Variants in AP2A2 observed in about 807,000 individuals in gnomAD.
AP2A2 encodes AP-2 complex subunit alpha-2.
A neutral mutation model predicts 104.2 loss-of-function variants in AP2A2; 32 were observed. That is an observed-to-expected ratio of 0.31 (90% confidence interval 0.23 to 0.41). The LOEUF (loss-of-function observed/expected upper bound fraction) is 0.41. Ranked by LOEUF, AP2A2 falls within the 10% of genes least tolerant of loss-of-function variation. The pLI is 1.00. For missense variants in AP2A2, 912 were observed against 1,261.0 expected, an observed-to-expected ratio of 0.72 and a Z score of 4.19; for synonymous variants, 539 against 533.3, an observed-to-expected ratio of 1.01 and a Z score of -0.15.
chr11:955,871 C>T (rs1854217309), intron 1 of AP2A2, among the ~76,000 whole-genome samples: 1 of 151,928 alleles, frequency 6.6e-6, no homozygotes, highest in Non-Finnish European at 1.5e-5. Context: ...CTGCGTAGGG[C>T]AGGGGTGAGC....
At chr11:928,914 C>G (rs1418213664) in intron 1 of AP2A2, among the ~76,000 whole-genome samples, 4 of 152,162 alleles carry the variant, frequency 2.6e-5, no homozygotes, top group African/African-American at 9.7e-5. Flanking sequence ...CCATCTCCCC[C>G]ACTGCCCTCT....
intron 2 of AP2A2, among the ~76,000 whole-genome samples, chr11:963,143 C>G (rs1267269639): frequency 6.6e-6 from 1 of 151,574 alleles, no homozygotes; most frequent in South Asian, 2.1e-4. Context: ...GAAAAAAAAA[C>G]TGGCTGGCAC....
chr11:976,950 C>T (rs766314227), intron 4 of AP2A2, 145 bp from the exon 5 acceptor site: 20 of 1,009,182 alleles, frequency 2.0e-5, no homozygotes, highest in African/African-American at 3.2e-5. Flanking sequence ...GCCCCCTAGG[C>T]GGCCTCGGCA....
At position 965,928 on chromosome 11, in the gene AP2A2, C is replaced by T. The variant is rs879614312; in HGVS notation, c.137-4241C>T. On this transcript the variant is annotated intron_variant, in intron 2 of 21. Transcript: ENST00000448903. ...TGATCCTAACTCACTGCAGCCTTGA[C>T]TTCCTGGGCTCAGGTCATCCTCCTG... Among the ~76,000 whole-genome samples, 18 of 152,218 alleles carry T rather than the reference C, an allele frequency of 1.2e-4. 1 individual carries two copies. The highest frequency in any genetic ancestry group is 2.4e-4 in the Non-Finnish European group (16 of 68,046).
intron 2 of AP2A2, among the ~76,000 whole-genome samples, chr11:966,796 T>A (rs1253373649): frequency 2.0e-5 from 3 of 152,160 alleles, no homozygotes; most frequent in Non-Finnish European, 4.4e-5. Flanking sequence ...TTCCCAACTT[T>A]CAGGTCAAGA....
intron 1 of AP2A2, among the ~76,000 whole-genome samples, chr11:945,961 C>G (rs1008782723): frequency 2.6e-5 from 4 of 152,148 alleles, no homozygotes; most frequent in Admixed American, 1.3e-4. Context: ...GTTTAGAAAA[C>G]AGAATCAACA....
At chr11:944,302 G>A (rs1044646972) in intron 1 of AP2A2, among the ~76,000 whole-genome samples, 2 of 152,196 alleles carry the variant, frequency 1.3e-5, no homozygotes, top group Non-Finnish European at 2.9e-5. Flanking sequence ...ACTCAGAGAT[G>A]TGGTGCTATT....
Position 1,009,364 on chromosome 11 carries a change from G to A in AP2A2, c.2574G>A (p.Lys858=). 1 of 1,613,666 alleles carries A rather than the reference G, an allele frequency of 6.2e-7. No individual in the cohort carries two copies. Among genetic ancestry groups the A allele is most frequent in the Non-Finnish European group, 8.5e-7 (1 of 1,179,836 alleles). ...QQEVQNIFKA[K]HPMDTEVTKA... The stretch of plus-strand genomic sequence containing the variant: ...AAGTGCAGAACATCTTCAAAGCAAA[G>A]CACCCAATGGACACAGAAGTCACCA... The change falls in exon 20 of 22, where the codon AAG becomes AAA. Residue 858 remains lysine, a synonymous_variant. Transcript: ENST00000448903.
chr11:956,343 A>G (rs1854234198), intron 1 of AP2A2, among the ~76,000 whole-genome samples: 1 of 152,098 alleles, frequency 6.6e-6, no homozygotes, highest in Admixed American at 6.6e-5. Context: ...TTGTATTTTT[A>G]GTAGAGACGG....
At chr11:1,008,791 T>C in intron 18 of AP2A2, 1 of 431,538 alleles carries the variant, frequency 2.3e-6, no homozygotes, top group Non-Finnish European at 4.1e-6. Context: ...TGCAAATGCC[T>C]TTGCCTTTTT....
chr11:972,433 G>T lies in AP2A2; in HGVS notation c.473+178G>T, dbSNP rs11246365. 1.5e-4 allele frequency among the ~76,000 whole-genome samples: 23 copies of T among 152,368 alleles called. No homozygotes were observed. In the East Asian group the frequency reaches 1.5e-3, roughly 10 times the overall value. On this transcript the variant is annotated intron_variant, in intron 4 of 21. Transcript: ENST00000448903. The stretch of plus-strand genomic sequence containing the variant: ...GTTTAGGCCGGGCACGGTGGCTCAC[G>T]CCTCTAATCCCAGGACCGTAGGAGG...
chr11:1,002,996 G>A (rs556768040), intron 15 of AP2A2, among the ~76,000 whole-genome samples: 3 of 152,344 alleles, frequency 2.0e-5, no homozygotes, highest in Non-Finnish European at 2.9e-5. Context: ...CCACTGCCCC[G>A]CCTCCCTCTC....
chr11:997,836 C>T lies in AP2A2; in HGVS notation c.1957-2596C>T, dbSNP rs191407263. Among the ~76,000 whole-genome samples the T allele has an allele frequency of 7.9e-3, 1,199 of 152,212 alleles. 17 individuals are homozygous for T. The highest frequency in any genetic ancestry group is 0.026 in the African/African-American group (1,088 of 41,514). On this transcript the variant is annotated intron_variant, in intron 14 of 21. Coordinates refer to ENST00000448903, the MANE Select transcript of AP2A2 (RefSeq NM_012305.4). Reference sequence around the variant, plus strand: ...AGGAGAATTGCTTGAACCCAGAAGGCGGAGGTTGCAGTGAGCTGAGATTGC... The same window carrying T: ...AGGAGAATTGCTTGAACCCAGAAGGTGGAGGTTGCAGTGAGCTGAGATTGC...
At chr11:936,206 CTTTTTTTTTTTTT>C (rs982315120) in intron 1 of AP2A2, among the ~76,000 whole-genome samples, 1 of 110,050 alleles carries the variant, frequency 9.1e-6, no homozygotes, top group African/African-American at 3.5e-5. Flanking sequence ...TGCGCCTGGC[CTTTTTTTTTTTTT>C]TTTTTTTTTT....
At chr11:978,135 G>A (rs1003874164) in intron 5 of AP2A2, among the ~76,000 whole-genome samples, 1 of 152,160 alleles carries the variant, frequency 6.6e-6, no homozygotes, top group Non-Finnish European at 1.5e-5. Context: ...GAGAGTGTGC[G>A]GGTGAAGCAG....
chr11:1,002,295 C>T (rs577469815), intron 15 of AP2A2, among the ~76,000 whole-genome samples: 5 of 152,374 alleles, frequency 3.3e-5, no homozygotes, highest in South Asian at 4.1e-4. Flanking sequence ...GCGGTGAGCA[C>T]GTGGACCTCC....
At chr11:934,824 A>T (rs1853399062) in intron 1 of AP2A2, among the ~76,000 whole-genome samples, 1 of 151,784 alleles carries the variant, frequency 6.6e-6, no homozygotes, top group Admixed American at 6.6e-5. Context: ...TGTTTCATGT[A>T]ATGTAGCTGA....
chr11:983,596 G>A (rs180817205), intron 6 of AP2A2, among the ~76,000 whole-genome samples: 4,957 of 151,992 alleles, frequency 0.033, 253 homozygotes, highest in African/African-American at 0.11. Context: ...TGTTAGCCAG[G>A]ATGGTCTCGA....
intron 14 of AP2A2, among the ~76,000 whole-genome samples, chr11:998,323 A>ACCCGCCCCCATTCTGACCC (rs1194072427): frequency 0.17 from 13,251 of 76,904 alleles, 1,430 homozygotes; most frequent in African/African-American, 0.36. Context: ...TCTGACTCTC[A>ACCCGCCCCCATTCTGACCC]CCCGCCCCCA....
Sources: gnomAD v4.1 joint callset for allele counts (sites outside exome capture counted in the v4.1 genomes callset) on GRCh38, gnomAD v4.1.1 for gene constraint, MANE v1.5 for transcripts, NCBI Gene and HGNC (gene_info 2026-07-23, HGNC 2026-07-21) for gene names.